Variants in RIMS2 observed in about 807,000 individuals in gnomAD.
RIMS2 encodes regulating synaptic membrane exocytosis 2, also known as regulating synaptic membrane exocytosis protein 2.
RIMS2 carries 59 observed loss-of-function variants against 174.4 expected under a neutral mutation model. That is an observed-to-expected ratio of 0.34 (90% confidence interval 0.27 to 0.42). RIMS2 has a LOEUF of 0.42. Among genes scored for constraint, RIMS2 ranks in the 10% least tolerant of loss-of-function variants. The pLI is 1.00. For missense variants in RIMS2, 1,620 were observed against 1,666.3 expected (o/e 0.97, Z 0.48); for synonymous variants, 606 against 572.5 (o/e 1.06, Z -0.84).
At chr8:103,729,506 C>T (rs2097566473) in intron 2 of RIMS2, among the ~76,000 whole-genome samples, 1 of 151,302 alleles carries the variant, frequency 6.6e-6, no homozygotes, top group Non-Finnish European at 1.5e-5. Flanking sequence ...TTTTGTTTAC[C>T]TTTTCAAAAA....
At chr8:103,782,235 T>C (rs1250249425) in intron 3 of RIMS2, among the ~76,000 whole-genome samples, 2 of 152,086 alleles carry the variant, frequency 1.3e-5, no homozygotes, top group Non-Finnish European at 2.9e-5. Context: ...AGTGATACCA[T>C]ACTATATATT....
Position 104,014,425 on chromosome 8 carries a change from A to T in RIMS2, c.3225-81A>T. ...ACTTCTTTTTAAATTGTATTTATAC[A>T]GCTATCATATGAACCAAATGTAGGT... is the stretch of plus-strand genomic sequence containing the variant. On this transcript the variant is annotated intron_variant, in intron 18 of 23. Transcript: ENST00000504942. 4 of 731,876 alleles carry T rather than the reference A, an allele frequency of 5.5e-6. No homozygotes were observed. In the South Asian group the frequency reaches 7.9e-5, roughly 14 times the overall value. The allele number at this position is 731,876 out of a possible 1,614,324, so 45.3% of individuals were successfully genotyped here. A position where few individuals can be genotyped will look rare whatever the true frequency, so the allele number is the denominator to read the frequency against.
intron 1 of RIMS2, among the ~76,000 whole-genome samples, chr8:103,688,462 G>T (rs911919832): frequency 6.6e-6 from 1 of 152,018 alleles, no homozygotes; most frequent in Non-Finnish European, 1.5e-5. Context: ...CTTGATCATG[G>T]TGGATGATCC....
At chr8:103,517,975 T>A (rs1829821758) in intron 1 of RIMS2, among the ~76,000 whole-genome samples, 2 of 151,926 alleles carry the variant, frequency 1.3e-5, no homozygotes, top group Admixed American at 6.6e-5. Flanking sequence ...TACAAATTTA[T>A]GTTGGGCCAC....
rs372146180 is a variant in RIMS2, at chr8:104,130,348, C to T, written c.3335-114568C>T. On this transcript the variant is annotated intron_variant, in intron 19 of 23. Transcript: ENST00000504942. ...TGCTGCATAACCGCTGCCCAGATTC[C>T]AGCTACAATTTGACGCCACCTGGTG... 3.9e-5 allele frequency among the ~76,000 whole-genome samples: 6 copies of T among 152,196 alleles called. No homozygotes were observed. In the East Asian group the frequency reaches 7.7e-4, roughly 20 times the overall value.
At chr8:104,180,026 G>A (rs1420233420) in intron 19 of RIMS2, among the ~76,000 whole-genome samples, 1 of 151,596 alleles carries the variant, frequency 6.6e-6, no homozygotes, top group Non-Finnish European at 1.5e-5. Flanking sequence ...TTACATGTCA[G>A]TACATAAAGA....
rs79337620 is a variant in RIMS2 at position 104,180,913 on chromosome 8, G to C, written c.3335-64003G>C. On this transcript the variant is annotated intron_variant, in intron 19 of 23. Transcript: ENST00000504942. ...ATTCTTCTCATTTAAATGTGCTACTGATTAAAAGTGGACAATATGAAGCAT... is the reference window on the plus strand; with the variant it reads ...ATTCTTCTCATTTAAATGTGCTACTCATTAAAAGTGGACAATATGAAGCAT... 1.4e-4 allele frequency among the ~76,000 whole-genome samples: 21 copies of C among 151,794 alleles called. No homozygotes were observed. The East Asian group carries it at 2.5e-3, about 18-fold the overall frequency.
At chr8:103,917,469 A>T (rs1399087045) in intron 8 of RIMS2, among the ~76,000 whole-genome samples, 1 of 152,194 alleles carries the variant, frequency 6.6e-6, no homozygotes, top group Non-Finnish European at 1.5e-5. Context: ...GTAAAACTGC[A>T]GTGCATAAGA....
intron 1 of RIMS2, among the ~76,000 whole-genome samples, chr8:103,600,983 G>C (rs2133746744): frequency 6.6e-6 from 1 of 152,194 alleles, no homozygotes; most frequent in Middle Eastern, 3.4e-3. Context: ...CTTTTTATAA[G>C]CCTGTTTGTC....
intron 2 of RIMS2, among the ~76,000 whole-genome samples, chr8:103,698,714 T>C (rs1353740182): frequency 1.3e-5 from 2 of 152,124 alleles, no homozygotes; most frequent in Admixed American, 6.5e-5. Context: ...CAAGTGTTCC[T>C]CCTGCCTCAG....
At chr8:104,230,873 T>C (rs562070702) in intron 19 of RIMS2, among the ~76,000 whole-genome samples, 1 of 149,894 alleles carries the variant, frequency 6.7e-6, no homozygotes, top group Admixed American at 6.6e-5. Context: ...AGCCCAAGGT[T>C]GGAAAATTTA....
intron 2 of RIMS2, among the ~76,000 whole-genome samples, chr8:103,751,975 T>C (rs1409759470): frequency 6.6e-6 from 1 of 152,212 alleles, no homozygotes; most frequent in African/African-American, 2.4e-5. Context: ...TTTGTCAATT[T>C]TGGCTTTTGT....
chr8:103,785,575 T>G (rs1309767796), intron 3 of RIMS2, among the ~76,000 whole-genome samples: 1 of 152,146 alleles, frequency 6.6e-6, no homozygotes, highest in African/African-American at 2.4e-5. Flanking sequence ...ATTACATTTA[T>G]TGATTTGTGT....
chr8:104,080,009 G>C (rs1338862898), intron 19 of RIMS2, among the ~76,000 whole-genome samples: 2 of 152,000 alleles, frequency 1.3e-5, no homozygotes, highest in East Asian at 3.9e-4. Flanking sequence ...GATATAGGTA[G>C]ATTATTGGGT....
chr8:103,545,326 A>C (rs1844490573), intron 1 of RIMS2, among the ~76,000 whole-genome samples: 1 of 150,726 alleles, frequency 6.6e-6, no homozygotes, highest in African/African-American at 2.4e-5. Flanking sequence ...AATTAAAAAC[A>C]AAAAAAAACA....
At chr8:103,569,923 A>G (rs1468527509) in intron 1 of RIMS2, among the ~76,000 whole-genome samples, 1 of 151,976 alleles carries the variant, frequency 6.6e-6, no homozygotes, top group Non-Finnish European at 1.5e-5. Context: ...GTGAGTCACC[A>G]TGCCTGGCTC....
At chr8:103,568,573 G>T in intron 1 of RIMS2, 1 of 497,192 alleles carries the variant, frequency 2.0e-6, no homozygotes, top group South Asian at 1.8e-5. Flanking sequence ...ACTGGCCATG[G>T]GTACTACTTC....
At chr8:103,697,197 C>G (rs757058154) in exon 2 of RIMS2, 11 of 1,613,632 alleles carry the variant, frequency 6.8e-6, no homozygotes, top group Non-Finnish European at 9.3e-6. Flanking sequence ...GTATCTGCCA[C>G]AAAACAAAGT....
At chr8:103,663,041 G>A (rs1166141835) in intron 1 of RIMS2, among the ~76,000 whole-genome samples, 3 of 151,926 alleles carry the variant, frequency 2.0e-5, no homozygotes, top group Non-Finnish European at 1.5e-5. Flanking sequence ...ATAATGGCAC[G>A]TAACTGTAAT....
Sources: gnomAD v4.1 joint callset for allele counts (sites outside exome capture counted in the v4.1 genomes callset) on GRCh38, gnomAD v4.1.1 for gene constraint, MANE v1.5 for transcripts, NCBI Gene and HGNC (gene_info 2026-07-23, HGNC 2026-07-21) for gene names.